DLG2: variants seen among roughly 807,000 people sequenced by gnomAD.
DLG2 encodes disks large homolog 2.
A neutral mutation model predicts 132.5 loss-of-function variants in DLG2; 45 were observed. The observed-to-expected ratio is 0.34, with a 90% CI of 0.27 to 0.44. The LOEUF is 0.44. DLG2 is among the 20% of genes least tolerant of loss of function. DLG2 has a pLI of 1.00. For synonymous variants in DLG2, 424 were observed against 419.6 expected (o/e 1.01, Z -0.13); for missense variants, 1,045 against 1,196.9 (o/e 0.87, Z 1.87).
intron 6 of DLG2, among the ~76,000 whole-genome samples, chr11:84,722,718 G>A (rs1462608521): frequency 6.6e-6 from 1 of 152,126 alleles, no homozygotes; most frequent in African/African-American, 2.4e-5. Flanking sequence ...ATGGAACAAA[G>A]TATGAGCAAA....
intron 6 of DLG2, among the ~76,000 whole-genome samples, chr11:85,064,044 T>C (rs1483226493): frequency 1.3e-5 from 2 of 151,856 alleles, no homozygotes; most frequent in East Asian, 1.9e-4. Context: ...ATTAAATCCA[T>C]GGGTATGTTT....
intron 16 of DLG2, among the ~76,000 whole-genome samples, chr11:83,855,833 T>C (rs1565362412): frequency 6.6e-6 from 1 of 151,456 alleles, no homozygotes; most frequent in African/African-American, 2.4e-5. Context: ...AGACTCTGTC[T>C]CAAAAAAAAA....
chr11:83,867,867 T>C (rs1047795008), intron 16 of DLG2, among the ~76,000 whole-genome samples: 1 of 152,150 alleles, frequency 6.6e-6, no homozygotes, highest in Non-Finnish European at 1.5e-5. Context: ...TCCTTAAAGA[T>C]TGCTGTGATG....
At chr11:84,146,406 A>G (rs2095083553) in intron 9 of DLG2, among the ~76,000 whole-genome samples, 1 of 152,194 alleles carries the variant, frequency 6.6e-6, no homozygotes, top group Non-Finnish European at 1.5e-5. Context: ...ATTTTACATG[A>G]TATGTGATAT....
intron 3 of DLG2, among the ~76,000 whole-genome samples, chr11:85,587,476 T>G (rs769226652): frequency 6.6e-6 from 1 of 152,168 alleles, no homozygotes; most frequent in African/African-American, 2.4e-5. Context: ...TTTTCAACTG[T>G]TGTTGTTTTA....
chr11:83,704,556 C>T (rs898311392), intron 18 of DLG2, among the ~76,000 whole-genome samples: 12 of 150,972 alleles, frequency 7.9e-5, no homozygotes, highest in Non-Finnish European at 1.3e-4. Flanking sequence ...GTGGCTCATA[C>T]CTGTAATCTT....
chr11:84,236,731 A>C (rs35126315), intron 8 of DLG2, among the ~76,000 whole-genome samples: 4 of 152,156 alleles, frequency 2.6e-5, no homozygotes, highest in Non-Finnish European at 5.9e-5. Context: ...AAGCACACTA[A>C]CCCAACCACC....
chr11:83,872,923 T>C (rs2063755122), intron 16 of DLG2, among the ~76,000 whole-genome samples: 1 of 152,204 alleles, frequency 6.6e-6, no homozygotes, highest in South Asian at 2.1e-4. Flanking sequence ...CTACATAGTA[T>C]GCACATGGAC....
chr11:85,288,873 C>T (rs180973039), intron 3 of DLG2, among the ~76,000 whole-genome samples: 16 of 152,076 alleles, frequency 1.1e-4, no homozygotes, highest in Admixed American at 9.2e-4. Context: ...TGAAATACTA[C>T]GTGTACAAAT....
chr11:84,351,366 TC>T (rs2098569028), intron 7 of DLG2, among the ~76,000 whole-genome samples: 1 of 152,180 alleles, frequency 6.6e-6, no homozygotes, highest in Non-Finnish European at 1.5e-5. Flanking sequence ...TTATTTTTCT[TC>T]ATGCATTATA....
chr11:85,076,505 A>G (rs2066567292), intron 6 of DLG2, among the ~76,000 whole-genome samples: 1 of 151,936 alleles, frequency 6.6e-6, no homozygotes, highest in Non-Finnish European at 1.5e-5. Flanking sequence ...ACCTGTCTCA[A>G]ATTTTAAGAG....
At chr11:84,038,623 C>G (rs980971067) in intron 11 of DLG2, among the ~76,000 whole-genome samples, 1 of 152,072 alleles carries the variant, frequency 6.6e-6, no homozygotes, top group Admixed American at 6.6e-5. Flanking sequence ...GGGGCAACTA[C>G]TGTTGTCAGT....
chr11:84,814,710 G>A (rs1011135619), intron 6 of DLG2, among the ~76,000 whole-genome samples: 2 of 152,020 alleles, frequency 1.3e-5, no homozygotes, highest in African/African-American at 4.8e-5. Context: ...CCCACCTCCT[G>A]CATTTGTCTA....
At chr11:84,142,238 T>G (rs1042158391) in intron 9 of DLG2, among the ~76,000 whole-genome samples, 1 of 151,286 alleles carries the variant, frequency 6.6e-6, no homozygotes, top group African/African-American at 2.4e-5. Context: ...GGAGAATCAT[T>G]TGAACCCAGG....
intron 21 of DLG2, among the ~76,000 whole-genome samples, chr11:83,515,624 A>G (rs147530884): frequency 0.012 from 1,883 of 152,146 alleles, 31 homozygotes; most frequent in African/African-American, 0.043. Flanking sequence ...TTAGGGTGTC[A>G]ATTTTAGATC....
chr11:85,039,560 A>G (rs1485910400), intron 6 of DLG2, among the ~76,000 whole-genome samples: 1 of 151,962 alleles, frequency 6.6e-6, no homozygotes, highest in Non-Finnish European at 1.5e-5. Flanking sequence ...TCATAGTTAT[A>G]TATGTTAAAT....
At chr11:84,196,625 A>G (rs2096522199) in intron 8 of DLG2, among the ~76,000 whole-genome samples, 1 of 152,214 alleles carries the variant, frequency 6.6e-6, no homozygotes, top group Non-Finnish European at 1.5e-5. Context: ...GTATTTTAGG[A>G]AGATTGACTT....
At chr11:83,528,622 A>G (rs1262867018) in intron 21 of DLG2, among the ~76,000 whole-genome samples, 1 of 152,146 alleles carries the variant, frequency 6.6e-6, no homozygotes, top group Non-Finnish European at 1.5e-5. Flanking sequence ...AGAATCATGT[A>G]TAGTGTAGAG....
intron 19 of DLG2, among the ~76,000 whole-genome samples, chr11:83,572,290 G>C (rs1010569744): frequency 1.3e-5 from 2 of 152,096 alleles, no homozygotes; most frequent in Non-Finnish European, 2.9e-5. Context: ...GGACTTTGTG[G>C]GGTATGGCAA....
Sources: gnomAD v4.1 joint callset for allele counts (sites outside exome capture counted in the v4.1 genomes callset) on GRCh38, gnomAD v4.1.1 for gene constraint, MANE v1.5 for transcripts, NCBI Gene and HGNC (gene_info 2026-07-23, HGNC 2026-07-21) for gene names.